Variants in TRPM3 observed in about 807,000 individuals in gnomAD.
TRPM3 encodes long transient receptor potential channel 3.
Under a neutral mutation model 181.2 loss-of-function variants are expected in TRPM3, and 77 were observed. The observed-to-expected ratio is 0.42, with a 90% CI of 0.35 to 0.51. The LOEUF (loss-of-function observed/expected upper bound fraction) is 0.51, where lower values mean the gene tolerates loss of function less well. Among genes scored for constraint, TRPM3 ranks in the 20% least tolerant of loss-of-function variants. TRPM3 has a pLI of 0.01. For missense variants in TRPM3, 1,759 were observed against 2,196.7 expected (o/e 0.80, Z 3.98); for synonymous variants, 745 against 796.4 (o/e 0.94, Z 1.09).
intron 1 of TRPM3, among the ~76,000 whole-genome samples, chr9:71,222,314 G>A (rs758815305): frequency 1.3e-5 from 2 of 152,192 alleles, no homozygotes; most frequent in South Asian, 2.1e-4. Context: ...AACACCAAAC[G>A]TTCTTGTCAC....
intron 1 of TRPM3, among the ~76,000 whole-genome samples, chr9:71,008,217 T>C (rs896512024): frequency 6.6e-6 from 1 of 151,738 alleles, no homozygotes. Context: ...GATTAAATAA[T>C]GAAAAAATAG....
At position 70,827,840 on chromosome 9, in the gene TRPM3, T is replaced by C; in HGVS notation, c.973+7A>G. The C allele has an allele frequency of 6.2e-7, 1 of 1,613,640 alleles. No individual in the cohort carries two copies. Among genetic ancestry groups the C allele is most frequent in the African/African-American group, 1.3e-5 (1 of 75,070 alleles). On this transcript the variant is annotated splice_region_variant and intron_variant, in intron 6 of 25. Transcript: ENST00000677713. ...GAGCCATGCCAGTGGGAACAACCGCTACTTACTTGTGTTTATCTTCTGGAG... is the reference window on the plus strand; with the variant it reads ...GAGCCATGCCAGTGGGAACAACCGCCACTTACTTGTGTTTATCTTCTGGAG...
At chr9:71,211,588 A>G (rs2079510053) in intron 1 of TRPM3, among the ~76,000 whole-genome samples, 1 of 152,100 alleles carries the variant, frequency 6.6e-6, no homozygotes, top group Non-Finnish European at 1.5e-5. Flanking sequence ...TTCCTTCTGA[A>G]GGCTGTTTGA....
At chr9:71,238,550 C>T (rs892801207) in intron 1 of TRPM3, among the ~76,000 whole-genome samples, 15 of 152,094 alleles carry the variant, frequency 9.9e-5, no homozygotes, top group Admixed American at 9.2e-4. Flanking sequence ...TCAGTATCTA[C>T]GGACTAAGGA....
At chr9:71,400,832 A>G (rs2093325991) in intron 1 of TRPM3, among the ~76,000 whole-genome samples, 1 of 152,000 alleles carries the variant, frequency 6.6e-6, no homozygotes, top group Non-Finnish European at 1.5e-5. Context: ...TGACACAGAA[A>G]AAACAACTTT....
intron 7 of TRPM3, among the ~76,000 whole-genome samples, chr9:70,764,236 G>T (rs988379892): frequency 6.6e-6 from 1 of 152,184 alleles, no homozygotes. Context: ...TCAGACCTAG[G>T]CATGTGTCTA....
chr9:70,866,108 C>T (rs576147198), intron 1 of TRPM3, among the ~76,000 whole-genome samples: 12 of 152,086 alleles, frequency 7.9e-5, no homozygotes, highest in African/African-American at 1.2e-4. Context: ...AAAGCCTGTT[C>T]GCTAAACTAT....
chr9:70,999,720 T>A lies in TRPM3; in HGVS notation c.177+121458A>T, dbSNP rs558871253. On this transcript the variant is annotated intron_variant, in intron 1 of 25. Coordinates refer to ENST00000677713, the MANE Select transcript of TRPM3 (RefSeq NM_001366145.2). ...ATAAATACAGTATTTGACTCATATG[T>A]TGATCCAAGGTTATTTTTATTCTCC... Among the ~76,000 whole-genome samples, 329 of 152,318 alleles carry A rather than the reference T, an allele frequency of 2.2e-3. 1 individual carries two copies. Among genetic ancestry groups the A allele is most frequent in the Non-Finnish European group, 3.1e-3 (209 of 68,024 alleles).
intron 1 of TRPM3, among the ~76,000 whole-genome samples, chr9:71,331,724 A>G (rs12554560): frequency 2.4e-5 from 2 of 84,720 alleles, no homozygotes; most frequent in African/African-American, 4.7e-5. Flanking sequence ...GGAGGAGGAA[A>G]AGGAGGAGAA....
intron 9 of TRPM3, among the ~76,000 whole-genome samples, chr9:70,658,264 A>T (rs151234190): frequency 0.018 from 2,718 of 152,266 alleles, 37 homozygotes; most frequent in Middle Eastern, 0.034. Context: ...CAAATGAGTG[A>T]CTTATTTTAC....
intron 8 of TRPM3, among the ~76,000 whole-genome samples, chr9:70,695,017 C>T (rs2069886494): frequency 6.6e-6 from 1 of 152,212 alleles, no homozygotes; most frequent in Non-Finnish European, 1.5e-5. Context: ...GATAATATCC[C>T]ATCAATGCCC....
At chr9:71,118,919 AATT>A (rs768306844) in intron 1 of TRPM3, among the ~76,000 whole-genome samples, 4 of 152,176 alleles carry the variant, frequency 2.6e-5, no homozygotes, top group Non-Finnish European at 5.9e-5. Flanking sequence ...AAAACATGCA[AATT>A]ATTATTCATG....
upstream of TRPM3, among the ~76,000 whole-genome samples, chr9:71,123,748 C>T (rs527867103): frequency 1.3e-5 from 2 of 152,286 alleles, no homozygotes; most frequent in African/African-American, 2.4e-5. Context: ...CATCCAGTTG[C>T]GAGATGCTGC....
intron 1 of TRPM3, among the ~76,000 whole-genome samples, chr9:70,974,731 A>AAAT (rs138288368): frequency 1.3e-5 from 2 of 151,138 alleles, no homozygotes; most frequent in Admixed American, 6.6e-5. Flanking sequence ...TCCATCTCAA[A>AAAT]AATAATAATA....
At chr9:70,746,684 A>G (rs1272722692) in intron 8 of TRPM3, among the ~76,000 whole-genome samples, 4 of 152,146 alleles carry the variant, frequency 2.6e-5, no homozygotes, top group Non-Finnish European at 5.9e-5. Flanking sequence ...TATTTATCAC[A>G]TTGGGGTAAA....
chr9:71,127,419 A>C (rs187797441), intron 1 of TRPM3, among the ~76,000 whole-genome samples: 1 of 152,220 alleles, frequency 6.6e-6, no homozygotes, highest in East Asian at 1.9e-4. Flanking sequence ...TGTTTCAAGA[A>C]ATGAGGAGGG....
At chr9:71,424,153 A>G (rs1484989123) in intron 1 of TRPM3, among the ~76,000 whole-genome samples, 1 of 152,164 alleles carries the variant, frequency 6.6e-6, no homozygotes, top group African/African-American at 2.4e-5. Flanking sequence ...TTTCCAGATA[A>G]TTCAGCACAG....
rs191722034 is a variant in TRPM3 at position 70,535,525 on chromosome 9, C to T, written c.*428G>A. Reference sequence around the variant, plus strand: ...GAAGTTTAGAATATCTCATTGTGTACGCTGGCTATTTTATTTTATTTTGCA... The same window carrying T: ...GAAGTTTAGAATATCTCATTGTGTATGCTGGCTATTTTATTTTATTTTGCA... On this transcript the variant is annotated 3_prime_UTR_variant, in exon 26 of 26. Coordinates refer to ENST00000677713, the MANE Select transcript of TRPM3 (RefSeq NM_001366145.2). The T allele has an allele frequency of 1.6e-3, 2,488 of 1,547,680 alleles. 13 individuals are homozygous for T. The highest frequency in any genetic ancestry group is 1.3e-3 in the Non-Finnish European group (1,437 of 1,146,412).
At position 71,257,932 on chromosome 9, in the gene TRPM3, G is replaced by A. The variant is rs145721101; in HGVS notation, c.183+188721C>T. Among the ~76,000 whole-genome samples the A allele has an allele frequency of 7.2e-5, 11 of 152,250 alleles. No individual in the cohort carries two copies. The East Asian group carries it at 9.6e-4, about 13-fold the overall frequency. On this transcript the variant is annotated intron_variant, in intron 1 of 24. Transcript: ENST00000357533. ...TATCAGATATGCAAAATGGGGGAAC[G>A]GAGGTATTTGGTCATTACGTGTTAA...
Sources: allele counts gnomAD v4.1 joint callset (sites outside exome capture counted in the v4.1 genomes callset), GRCh38; gene constraint gnomAD v4.1.1; transcripts MANE v1.5; gene names NCBI Gene and HGNC (gene_info 2026-07-23, HGNC 2026-07-21).